Variants in APBB2 observed in about 807,000 individuals in gnomAD.
APBB2 encodes amyloid beta precursor protein binding family B member 2.
In APBB2, 38 loss-of-function variants were observed where a neutral mutation model predicts 82.5. The ratio of observed to expected loss-of-function variants is 0.46; its 90% CI spans 0.36 to 0.60. The LOEUF (loss-of-function observed/expected upper bound fraction) is 0.60. Ranked by LOEUF, APBB2 falls within the 20% of genes least tolerant of loss-of-function variation. The pLI is 0.00. For synonymous variants in APBB2, 341 were observed against 368.2 expected (o/e 0.93, Z 0.85); for missense variants, 772 against 972.3 (o/e 0.79, Z 2.74).
chr4:40,826,202 T>A lies in APBB2; in HGVS notation c.1733-232A>T, dbSNP rs116478358. 1,406 of 521,610 alleles carry A rather than the reference T, an allele frequency of 2.7e-3. 14 individuals carry two copies. The highest frequency in any genetic ancestry group is 0.023 in the African/African-American group (1,217 of 52,192). 32.3% of individuals were successfully genotyped at this position (521,610 alleles called of 1,614,324 possible). ...TAGGAATGCATGTGAAAGCAGGAAG[T>A]GGCATCTATGTGTTAAAGCTGCTAC... On this transcript the variant is annotated intron_variant, in intron 14 of 17. Coordinates refer to ENST00000508593, the MANE Select transcript of APBB2 (RefSeq NM_004307.2). This position sits in a 1 kb window ranked among gnomAD's most constrained non-coding sequence, Gnocchi z 4.5.
At chr4:41,092,057 G>C (rs1741903555) in intron 3 of APBB2, among the ~76,000 whole-genome samples, 1 of 152,180 alleles carries the variant, frequency 6.6e-6, no homozygotes, top group South Asian at 2.1e-4. Flanking sequence ...CTATGGTCCA[G>C]ATCAAAATGC....
intron 1 of APBB2, among the ~76,000 whole-genome samples, chr4:41,180,447 A>C (rs1324417518): frequency 6.6e-6 from 1 of 152,158 alleles, no homozygotes; most frequent in Non-Finnish European, 1.5e-5. Context: ...TCTGCAAAAA[A>C]ACAAACAAAC....
intron 5 of APBB2, among the ~76,000 whole-genome samples, chr4:41,025,247 G>A (rs1713495723): frequency 6.6e-6 from 1 of 152,072 alleles, no homozygotes; most frequent in African/African-American, 2.4e-5. Flanking sequence ...CTTCTGAAAA[G>A]AAGACATACA....
intron 6 of APBB2, among the ~76,000 whole-genome samples, chr4:40,993,975 CA>C (rs1165451188): frequency 1.3e-5 from 2 of 152,010 alleles, no homozygotes; most frequent in Non-Finnish European, 2.9e-5. Context: ...AGGTAGGGCC[CA>C]GGTATCTACA....
At chr4:41,036,202 T>C (rs905081446) in intron 4 of APBB2, among the ~76,000 whole-genome samples, 11 of 152,130 alleles carry the variant, frequency 7.2e-5, no homozygotes, top group Non-Finnish European at 1.6e-4. Flanking sequence ...GGATGTTGCA[T>C]AGATTCTATG....
chr4:41,090,569 G>C (rs964666786), intron 3 of APBB2, among the ~76,000 whole-genome samples: 14 of 152,102 alleles, frequency 9.2e-5, no homozygotes, highest in African/African-American at 3.4e-4. Context: ...TCCACATTTA[G>C]TTCATCAAAG....
chr4:41,161,094 C>G (rs1281870791), intron 1 of APBB2, among the ~76,000 whole-genome samples: 2 of 139,384 alleles, frequency 1.4e-5, no homozygotes, highest in African/African-American at 5.4e-5. Context: ...TGCCTCTTTG[C>G]TTTAGAATGA....
intron 7 of APBB2, among the ~76,000 whole-genome samples, chr4:40,936,163 T>A (rs1785319497): frequency 6.6e-6 from 1 of 152,238 alleles, no homozygotes; most frequent in Non-Finnish European, 1.5e-5. Flanking sequence ...CCATAACTTT[T>A]ACTCACAACA....
chr4:41,030,297 G>T (rs6839097), intron 5 of APBB2, among the ~76,000 whole-genome samples: 3 of 152,130 alleles, frequency 2.0e-5, no homozygotes, highest in African/African-American at 7.2e-5. Context: ...CAGTTATTTA[G>T]GAAGCACAAG....
At chr4:40,849,780 T>A (rs1280739372) in intron 12 of APBB2, among the ~76,000 whole-genome samples, 2 of 143,818 alleles carry the variant, frequency 1.4e-5, no homozygotes, top group South Asian at 4.4e-4. Context: ...CAGGCTGGAG[T>A]GCAGTGGCAC....
chr4:40,911,334 T>C (rs946918402), intron 10 of APBB2, among the ~76,000 whole-genome samples: 13 of 152,286 alleles, frequency 8.5e-5, no homozygotes, highest in African/African-American at 2.4e-4. Context: ...ACTGTGCTTA[T>C]GTTCTAAGGA....
chr4:40,933,985 C>T (rs2154375044), intron 10 of APBB2, among the ~76,000 whole-genome samples: 1 of 152,278 alleles, frequency 6.6e-6, no homozygotes, highest in African/African-American at 2.4e-5. Context: ...CCCAACTGCC[C>T]CCAGTTTTCC....
intron 6 of APBB2, among the ~76,000 whole-genome samples, chr4:40,987,856 C>G (rs1056456911): frequency 2.6e-5 from 4 of 152,112 alleles, no homozygotes; most frequent in African/African-American, 9.7e-5. Context: ...TAGAATGGAG[C>G]AGAAGGGAAT....
chr4:40,825,859 G>A, intron 15 of APBB2, 28 bp downstream of exon 15: 2 of 1,600,946 alleles, frequency 1.2e-6, no homozygotes, highest in African/African-American at 1.3e-5. Flanking sequence ...CACTTGCAAA[G>A]TGGAAAGACA....
intron 2 of APBB2, among the ~76,000 whole-genome samples, chr4:41,133,467 C>T (rs1756660286): frequency 6.6e-6 from 1 of 152,146 alleles, no homozygotes; most frequent in Admixed American, 6.5e-5. Flanking sequence ...CCAAGTCAAG[C>T]TCTTCTAGAC....
At chr4:40,864,703 C>T (rs1026928842) in intron 12 of APBB2, among the ~76,000 whole-genome samples, 1 of 152,154 alleles carries the variant, frequency 6.6e-6, no homozygotes, top group Non-Finnish European at 1.5e-5. Context: ...CTGGCCTTCA[C>T]TGTACTATAA....
At chr4:40,898,507 C>G (rs551089853) in intron 10 of APBB2, among the ~76,000 whole-genome samples, 1 of 152,260 alleles carries the variant, frequency 6.6e-6, no homozygotes, top group East Asian at 1.9e-4. Flanking sequence ...TCAGGTGATC[C>G]ACCCACCTTG....
chr4:41,122,695 AT>A (rs1378011329), intron 2 of APBB2, among the ~76,000 whole-genome samples: 1 of 152,192 alleles, frequency 6.6e-6, no homozygotes, highest in African/African-American at 2.4e-5. Flanking sequence ...ACAAAATGCC[AT>A]TATCTGCAAT....
chr4:41,197,812 G>T, intron 1 of APBB2, among the ~76,000 whole-genome samples: 1 of 152,088 alleles, frequency 6.6e-6, no homozygotes, highest in Non-Finnish European at 1.5e-5. Context: ...ACATGTAGAC[G>T]AATAAGTCTC....
Sources: allele counts gnomAD v4.1 joint callset (sites outside exome capture counted in the v4.1 genomes callset), GRCh38; gene constraint gnomAD v4.1.1; non-coding constraint Gnocchi (gnomAD v3.1); transcripts MANE v1.5; gene names NCBI Gene and HGNC (gene_info 2026-07-23, HGNC 2026-07-21).